The following HS3ST4 variants were observed in gnomAD, a reference collection of about 807,000 sequenced individuals.
HS3ST4 encodes heparan sulfate glucosamine 3-O-sulfotransferase 4.
In HS3ST4, 17 loss-of-function variants were observed where a neutral mutation model predicts 29.2. The observed-to-expected ratio is 0.58, with a 90% CI of 0.40 to 0.87. HS3ST4 has a LOEUF of 0.87. Among genes scored for constraint, HS3ST4 ranks in the 40% least tolerant of loss-of-function variants. The pLI is 0.00. For missense variants in HS3ST4, 627 were observed against 634.5 expected (o/e 0.99, Z 0.13); for synonymous variants, 314 against 285.7 (o/e 1.10, Z -1.00).
At chr16:25,733,823 A>G (rs907382201) in intron 1 of HS3ST4, among the ~76,000 whole-genome samples, 3 of 152,210 alleles carry the variant, frequency 2.0e-5, no homozygotes, top group African/African-American at 7.2e-5. Context: ...CTTTCAGCTC[A>G]AAGACACATT....
At chr16:25,810,210 C>T (rs144193155) in intron 1 of HS3ST4, among the ~76,000 whole-genome samples, 1 of 152,056 alleles carries the variant, frequency 6.6e-6, no homozygotes, top group African/African-American at 2.4e-5. Flanking sequence ...GACTTTGTCT[C>T]GGACTCTTGA....
chr16:25,878,356 A>C (rs1249826683), intron 1 of HS3ST4, among the ~76,000 whole-genome samples: 1 of 152,116 alleles, frequency 6.6e-6, no homozygotes, highest in East Asian at 1.9e-4. Flanking sequence ...TTTAACCACC[A>C]GGGGTGTAAT....
intron 1 of HS3ST4, among the ~76,000 whole-genome samples, chr16:25,833,838 A>G (rs1022441509): frequency 1.3e-5 from 2 of 152,232 alleles, no homozygotes; most frequent in Non-Finnish European, 2.9e-5. Context: ...TCACAGAAAG[A>G]GTTTTAGTTC....
At chr16:25,885,259 C>A (rs1967937611) in intron 1 of HS3ST4, among the ~76,000 whole-genome samples, 1 of 152,212 alleles carries the variant, frequency 6.6e-6, no homozygotes, top group African/African-American at 2.4e-5. Flanking sequence ...AAGATGGGGA[C>A]TTCCTCTGCC....
chr16:25,873,480 C>CTA (rs1567261515), intron 1 of HS3ST4, among the ~76,000 whole-genome samples: 1,703 of 69,936 alleles, frequency 0.024, 36 homozygotes, highest in African/African-American at 0.028. Flanking sequence ...CCATCTATCT[C>CTA]TCTATCTATC....
chr16:25,846,079 T>C (rs1398995556), intron 1 of HS3ST4, among the ~76,000 whole-genome samples: 1 of 152,214 alleles, frequency 6.6e-6, no homozygotes, highest in Non-Finnish European at 1.5e-5. Context: ...GCTGTTGGCA[T>C]TTGCTCTGTA....
At chr16:25,926,775 AACCACAACAC>A in intron 1 of HS3ST4, among the ~76,000 whole-genome samples, 1 of 152,216 alleles carries the variant, frequency 6.6e-6, no homozygotes, top group East Asian at 1.9e-4. Context: ...ACATTCTGTT[AACCACAACAC>A]TTCAATGCCT....
chr16:26,099,163 A>T (rs551289942), intron 1 of HS3ST4, among the ~76,000 whole-genome samples: 1 of 151,932 alleles, frequency 6.6e-6, no homozygotes, highest in Non-Finnish European at 1.5e-5. Context: ...GTCAGAGCTA[A>T]TTTTTTTTAG....
At chr16:25,768,094 G>T (rs376716599) in intron 1 of HS3ST4, among the ~76,000 whole-genome samples, 1 of 152,158 alleles carries the variant, frequency 6.6e-6, no homozygotes, top group Non-Finnish European at 1.5e-5. Context: ...GAGAGTGACT[G>T]GTCCTGTGAA....
At chr16:25,818,593 T>C (rs1476283253) in intron 1 of HS3ST4, among the ~76,000 whole-genome samples, 1 of 152,236 alleles carries the variant, frequency 6.6e-6, no homozygotes, top group Non-Finnish European at 1.5e-5. Context: ...GGAGAGAACA[T>C]ACTTATTTCC....
chr16:25,837,329 C>T (rs529333651), intron 1 of HS3ST4, among the ~76,000 whole-genome samples: 20 of 152,194 alleles, frequency 1.3e-4, no homozygotes, highest in Admixed American at 1.3e-4. Context: ...GTAGGCAAAC[C>T]GGGATTATGT....
chr16:25,865,340 G>A (rs1420150529), intron 1 of HS3ST4, among the ~76,000 whole-genome samples: 1 of 152,130 alleles, frequency 6.6e-6, no homozygotes, highest in Non-Finnish European at 1.5e-5. Flanking sequence ...GGTAATAGTA[G>A]CCACTCTGAC....
At chr16:25,952,808 A>G (rs2141697845) in intron 1 of HS3ST4, among the ~76,000 whole-genome samples, 1 of 152,270 alleles carries the variant, frequency 6.6e-6, no homozygotes, top group Middle Eastern at 3.4e-3. Context: ...GTCTTCATGG[A>G]TAGTGCATTT....
chr16:26,109,351 C>G (rs144209739), intron 1 of HS3ST4, among the ~76,000 whole-genome samples: 1 of 152,222 alleles, frequency 6.6e-6, no homozygotes, highest in Admixed American at 6.5e-5. Context: ...TCTGCATGTG[C>G]GTGAGTCTCG....
chr16:25,718,806 G>A lies in HS3ST4; in HGVS notation c.734+25655G>A, dbSNP rs376907305. Among the ~76,000 whole-genome samples, 24 of 152,250 alleles carry A rather than the reference G, an allele frequency of 1.6e-4. No individual in the cohort carries two copies. The East Asian group carries it at 3.3e-3, about 21-fold the overall frequency. ...AGGAGATATAAATTTGGAAATTATC[G>A]GCATAAAGGCAATAATTGAAGCCAT... On this transcript the variant is annotated intron_variant, in intron 1 of 1. Coordinates refer to ENST00000331351, the MANE Select transcript of HS3ST4 (RefSeq NM_006040.3).
Position 26,136,531 on chromosome 16 carries a change from G to A in HS3ST4, c.*283G>A, listed in dbSNP as rs1898286196. 3 of 468,750 alleles carry A rather than the reference G, an allele frequency of 6.4e-6. No individual in the cohort carries two copies. Among genetic ancestry groups the A allele is most frequent in the Non-Finnish European group, 7.7e-6 (2 of 261,062 alleles). 29.0% of individuals were successfully genotyped at this position (468,750 alleles called of 1,614,324 possible). ...TATCTTCTGCTAGTTAATATAGCCT[G>A]AAGACAGAGGATAAATAGTTGTCAA... On this transcript the variant is annotated 3_prime_UTR_variant, in exon 2 of 2. Transcript: ENST00000331351.
intron 1 of HS3ST4, among the ~76,000 whole-genome samples, chr16:26,127,040 G>A (rs960235700): frequency 1.3e-5 from 2 of 151,988 alleles, no homozygotes; most frequent in African/African-American, 4.8e-5. Flanking sequence ...GTGGTGGGTG[G>A]GGGTGGTGAT....
At chr16:26,109,750 T>C (rs1298078511) in intron 1 of HS3ST4, among the ~76,000 whole-genome samples, 1 of 152,122 alleles carries the variant, frequency 6.6e-6, no homozygotes, top group Non-Finnish European at 1.5e-5. Context: ...AGACATTTAT[T>C]TTTTTTCCCA....
chr16:25,718,960 A>G (rs764752629), intron 1 of HS3ST4, among the ~76,000 whole-genome samples: 1 of 152,206 alleles, frequency 6.6e-6, no homozygotes, highest in Non-Finnish European at 1.5e-5. Context: ...GGAGGACAAT[A>G]AGAAAGAAGA....
Sources: gnomAD v4.1 joint callset for allele counts (sites outside exome capture counted in the v4.1 genomes callset) on GRCh38, gnomAD v4.1.1 for gene constraint, MANE v1.5 for transcripts, NCBI Gene and HGNC (gene_info 2026-07-23, HGNC 2026-07-21) for gene names.